The following ANXA8 variants were observed in gnomAD, a reference collection of about 807,000 sequenced individuals.
The protein encoded by ANXA8 is VAC-beta.
In ANXA8, 9 loss-of-function variants were observed where a neutral mutation model predicts 26.8. The observed-to-expected ratio is 0.34, with a 90% CI of 0.20 to 0.59. The LOEUF (loss-of-function observed/expected upper bound fraction) is 0.59. ANXA8 is among the 20% of genes least tolerant of loss of function. The pLI is 0.84. For synonymous variants in ANXA8, 39 were observed against 94.8 expected (o/e 0.41, Z 3.42); for missense variants, 83 against 238.5 (o/e 0.35, Z 4.29).
the ANXA8 span, among the ~76,000 whole-genome samples, chr10:47,718,025 T>C: frequency 6.8e-6 from 1 of 146,412 alleles, no homozygotes; most frequent in Non-Finnish European, 1.5e-5. Context: ...AAAAAAGACT[T>C]TTTGAGTGGA....
At chr10:47,693,382 C>T in the ANXA8 span, among the ~76,000 whole-genome samples, 1 of 151,270 alleles carries the variant, frequency 6.6e-6, no homozygotes, top group Admixed American at 6.6e-5. Context: ...CTCTGCCTCC[C>T]GGGTTCACGC....
chr10:47,557,031 G>A, the ANXA8 span, among the ~76,000 whole-genome samples: 1 of 117,434 alleles, frequency 8.5e-6, no homozygotes, highest in Non-Finnish European at 1.7e-5. Context: ...TTTTGAGATG[G>A]AGTCTCACTC....
At chr10:47,663,382 TA>T in the ANXA8 span, among the ~76,000 whole-genome samples, 126 of 133,094 alleles carry the variant, frequency 9.5e-4, 8 homozygotes, top group African/African-American at 2.0e-3. Flanking sequence ...TCATTATAGT[TA>T]AAAAAAATTT....
chr10:47,655,968 C>T, the ANXA8 span, among the ~76,000 whole-genome samples: 3 of 151,904 alleles, frequency 2.0e-5, no homozygotes, highest in Admixed American at 6.6e-5. Context: ...TTCGGTGAGC[C>T]GAGATTGCAC....
At chr10:47,600,332 A>G in the ANXA8 span, among the ~76,000 whole-genome samples, 8 of 150,360 alleles carry the variant, frequency 5.3e-5, no homozygotes, top group African/African-American at 1.8e-4. Context: ...CGCTTGGGCC[A>G]AGGTAGCTCC....
the ANXA8 span, among the ~76,000 whole-genome samples, chr10:47,631,803 T>C: frequency 4.0e-5 from 6 of 151,284 alleles, no homozygotes; most frequent in Non-Finnish European, 8.8e-5. Context: ...TTTGTTTATA[T>C]TTTTCCTGTA....
At chr10:47,620,828 T>C in the ANXA8 span, among the ~76,000 whole-genome samples, 2 of 108,470 alleles carry the variant, frequency 1.8e-5, no homozygotes, top group African/African-American at 7.2e-5. Context: ...CACTCATGTC[T>C]TCTAACTTCT....
At chr10:47,628,471 A>G in the ANXA8 span, among the ~76,000 whole-genome samples, 1 of 151,100 alleles carries the variant, frequency 6.6e-6, no homozygotes, top group African/African-American at 2.4e-5. Context: ...CAAATTCTCA[A>G]TTATGTTTGA....
chr10:47,651,216 A>C, the ANXA8 span, among the ~76,000 whole-genome samples: 4 of 150,688 alleles, frequency 2.7e-5, no homozygotes, highest in African/African-American at 9.8e-5. Context: ...AATAATGATA[A>C]TAATAATAAT....
At chr10:47,968,258 A>G in the ANXA8 span, among the ~76,000 whole-genome samples, 2 of 150,994 alleles carry the variant, frequency 1.3e-5, no homozygotes, top group African/African-American at 4.8e-5. Flanking sequence ...TGCCACTGCC[A>G]TAGCTACTGC....
At chr10:47,484,256 G>A (rs1342728918), upstream of ANXA8, 56 of 684,952 alleles carry the variant, frequency 8.2e-5, no homozygotes, top group Admixed American at 7.8e-4. Flanking sequence ...TCCAGCCTGC[G>A]AAAGCCCCAC....
At chr10:47,496,074 C>G in the ANXA8 span, 4 of 151,980 alleles carry the variant, frequency 2.6e-5, no homozygotes, top group South Asian at 4.2e-4. Flanking sequence ...CTTCCTGAAG[C>G]CGAGTAGGTT....
At chr10:47,556,286 C>A in the ANXA8 span, among the ~76,000 whole-genome samples, 1 of 151,900 alleles carries the variant, frequency 6.6e-6, no homozygotes, top group Non-Finnish European at 1.5e-5. Flanking sequence ...TCTCTTAAGA[C>A]CCATCTCAAA....
chr10:47,492,246 G>C, the ANXA8 span, among the ~76,000 whole-genome samples: 7 of 150,098 alleles, frequency 4.7e-5, no homozygotes, highest in African/African-American at 7.3e-5. Context: ...ACAGGGTGGG[G>C]CGTTCAGGGT....
the ANXA8 span, among the ~76,000 whole-genome samples, chr10:47,738,514 T>G: frequency 1.3e-5 from 2 of 151,360 alleles, no homozygotes; most frequent in African/African-American, 4.9e-5. Context: ...AATAAAGTAT[T>G]CTTTAATGTT....
At chr10:47,528,704 C>G in the ANXA8 span, among the ~76,000 whole-genome samples, 1 of 143,220 alleles carries the variant, frequency 7.0e-6, no homozygotes, top group Non-Finnish European at 1.5e-5. Context: ...CAAACTCTAA[C>G]ATATAACTAC....
chr10:47,950,612 C>T, the ANXA8 span, among the ~76,000 whole-genome samples: 6 of 149,892 alleles, frequency 4.0e-5, 1 homozygote, highest in Non-Finnish European at 7.4e-5. Flanking sequence ...TTTAAGAGGA[C>T]CAAAATAATA....
chr10:47,746,671 C>T, the ANXA8 span, among the ~76,000 whole-genome samples: 1 of 142,868 alleles, frequency 7.0e-6, no homozygotes, highest in South Asian at 2.3e-4. Flanking sequence ...AGAGTGAAAC[C>T]CTAAAAAAAA....
chr10:47,489,263 C>T, the ANXA8 span, among the ~76,000 whole-genome samples: 1 of 142,876 alleles, frequency 7.0e-6, no homozygotes, highest in African/African-American at 2.5e-5. Flanking sequence ...CATGATCCGC[C>T]CTCCTCAGCC....
Sources: allele counts gnomAD v4.1 joint callset (sites outside exome capture counted in the v4.1 genomes callset), GRCh38; gene constraint gnomAD v4.1.1; transcripts MANE v1.5; gene names NCBI Gene and HGNC (gene_info 2026-07-23, HGNC 2026-07-21).